SERPINB7: variants seen among roughly 807,000 people sequenced by gnomAD.
SERPINB7 encodes serpin family B member 7.
SERPINB7 carries 31 observed loss-of-function variants against 37.4 expected under a neutral mutation model. The observed-to-expected ratio is 0.83, with a 90% CI of 0.62 to 1.12. The LOEUF is 1.12. Ranked by LOEUF, SERPINB7 falls within the 50% of genes most tolerant of loss-of-function variation. The pLI, the probability that SERPINB7 is intolerant of heterozygous loss-of-function variation, is 0.00. For synonymous variants in SERPINB7, 163 were observed against 166.1 expected (o/e 0.98, Z 0.14); for missense variants, 521 against 455.3 (o/e 1.14, Z -1.31).
chr18:63,774,898 G>A (rs1350570982), upstream of SERPINB7, among the ~76,000 whole-genome samples: 2 of 152,094 alleles, frequency 1.3e-5, no homozygotes, highest in African/African-American at 4.8e-5. Flanking sequence ...AGAGAAGCCA[G>A]CTCAAAAGGT....
intron 1 of SERPINB7, among the ~76,000 whole-genome samples, chr18:63,756,020 A>G (rs2049119821): frequency 6.6e-6 from 1 of 152,078 alleles, no homozygotes; most frequent in Non-Finnish European, 1.5e-5. Flanking sequence ...AACAATGTTC[A>G]TTGATATATA....
intron 1 of SERPINB7, among the ~76,000 whole-genome samples, chr18:63,760,714 C>A (rs1382008236): frequency 1.3e-5 from 2 of 152,164 alleles, no homozygotes; most frequent in Non-Finnish European, 2.9e-5. Context: ...CTGAAAGGGG[C>A]CAATGTACAG....
At chr18:63,767,249 G>A (rs1466820092) in intron 1 of SERPINB7, among the ~76,000 whole-genome samples, 2 of 152,100 alleles carry the variant, frequency 1.3e-5, no homozygotes, top group African/African-American at 4.8e-5. Flanking sequence ...CAGCACCAGA[G>A]GGCTTCTCCT....
chr18:63,770,267 G>A (rs1392947701), intron 1 of SERPINB7, among the ~76,000 whole-genome samples: 1 of 151,162 alleles, frequency 6.6e-6, no homozygotes, highest in African/African-American at 2.4e-5. Flanking sequence ...TGCAGGGTGT[G>A]GTTGGCAATA....
chr18:63,761,808 C>T (rs924956792), intron 1 of SERPINB7, among the ~76,000 whole-genome samples: 1 of 152,132 alleles, frequency 6.6e-6, no homozygotes, highest in Non-Finnish European at 1.5e-5. Context: ...GCCTCCCAAG[C>T]TATGTGGAAC....
At chr18:63,787,712 A>T (rs1056609579) in intron 2 of SERPINB7, among the ~76,000 whole-genome samples, 5 of 152,354 alleles carry the variant, frequency 3.3e-5, no homozygotes, top group South Asian at 2.1e-4. Flanking sequence ...GTTGTTAAAA[A>T]GTTACAGTCT....
intron 2 of SERPINB7, among the ~76,000 whole-genome samples, chr18:63,787,753 G>A (rs1216782922): frequency 6.6e-6 from 1 of 152,070 alleles, no homozygotes; most frequent in East Asian, 1.9e-4. Context: ...TAATGAGAAG[G>A]GGAGATTCCT....
At chr18:63,797,869 A>C (rs1368163197) in intron 5 of SERPINB7, among the ~76,000 whole-genome samples, 1 of 152,164 alleles carries the variant, frequency 6.6e-6, no homozygotes, top group African/African-American at 2.4e-5. Flanking sequence ...CGACAAATAC[A>C]CCTTGCTCTT....
chr18:63,760,214 G>C (rs542150205), intron 1 of SERPINB7, among the ~76,000 whole-genome samples: 2 of 152,204 alleles, frequency 1.3e-5, no homozygotes, highest in Non-Finnish European at 2.9e-5. Context: ...TTGGGAACTG[G>C]AGCAAAGGTG....
chr18:63,802,117 GT>G (rs2049556042), intron 7 of SERPINB7, among the ~76,000 whole-genome samples: 1 of 152,194 alleles, frequency 6.6e-6, no homozygotes, highest in Non-Finnish European at 1.5e-5. Flanking sequence ...AGTCAACTAT[GT>G]CAGATTTCCT....
At chr18:63,778,928 A>ATT (rs2049276020) in intron 1 of SERPINB7, among the ~76,000 whole-genome samples, 1 of 152,208 alleles carries the variant, frequency 6.6e-6, no homozygotes, top group Non-Finnish European at 1.5e-5. Flanking sequence ...TTGTTTGTTA[A>ATT]GCTAAAATAT....
upstream of SERPINB7, among the ~76,000 whole-genome samples, chr18:63,773,457 C>T (rs114209356): frequency 2.3e-4 from 35 of 152,212 alleles, no homozygotes; most frequent in Admixed American, 5.2e-4. Flanking sequence ...ACCATGCCCT[C>T]GCCATTAGTA....
chr18:63,759,448 C>T (rs2049140473), intron 1 of SERPINB7, among the ~76,000 whole-genome samples: 1 of 152,078 alleles, frequency 6.6e-6, no homozygotes, highest in East Asian at 1.9e-4. Flanking sequence ...AGGTTTTTTT[C>T]CTTCCAAAAC....
At chr18:63,799,649 G>C (rs2049525971) in intron 6 of SERPINB7, among the ~76,000 whole-genome samples, 1 of 152,116 alleles carries the variant, frequency 6.6e-6, no homozygotes, top group Non-Finnish European at 1.5e-5. Context: ...CCCTGCCCCA[G>C]TGAGACATCC....
chr18:63,794,465 C>A (rs531693897), intron 4 of SERPINB7, among the ~76,000 whole-genome samples: 6 of 151,776 alleles, frequency 4.0e-5, no homozygotes, highest in South Asian at 2.1e-4. Flanking sequence ...CCGAGGCGGG[C>A]GGATCACAAG....
chr18:63,796,034 C>T (rs2049484321), intron 4 of SERPINB7, among the ~76,000 whole-genome samples: 1 of 152,112 alleles, frequency 6.6e-6, no homozygotes, highest in Admixed American at 6.6e-5. Context: ...TCCTCAAATC[C>T]ATTTCAGATA....
intron 1 of SERPINB7, among the ~76,000 whole-genome samples, chr18:63,758,214 A>G (rs1395966718): frequency 6.6e-6 from 1 of 152,176 alleles, no homozygotes; most frequent in East Asian, 1.9e-4. Flanking sequence ...TTAAAATGTT[A>G]AAAGATATAA....
At position 63,798,588 on chromosome 18, in the gene SERPINB7, A is replaced by ATTT; in HGVS notation, c.455-9_455-7dup. 7 of 1,483,734 alleles carry ATTT rather than the reference A, an allele frequency of 4.7e-6. No homozygotes were observed. Among genetic ancestry groups the ATTT allele is most frequent in the East Asian group, 2.4e-5 (1 of 41,582 alleles). 91.9% of individuals were successfully genotyped at this position (1,483,734 alleles called of 1,614,324 possible). On this transcript the variant is annotated splice_polypyrimidine_tract_variant and intron_variant, in intron 5 of 7. Transcript: ENST00000398019. ...TATTAAAATAAACATTTTTCCCTCA[A>ATTT]TTTTTTTTTCAAAAGGCAAAATCAA...
chr18:63,800,858 A>T lies in SERPINB7; in HGVS notation c.598-8A>T. ...ATCATAAATAATTTTTTGTGACTTGACTTTCAGTGCTCTGGGAAGGCAGTC... is the reference window on the plus strand; with the variant it reads ...ATCATAAATAATTTTTTGTGACTTGTCTTTCAGTGCTCTGGGAAGGCAGTC... On this transcript the variant is annotated splice_region_variant and splice_polypyrimidine_tract_variant and intron_variant, in intron 6 of 7. Transcript: ENST00000398019. 2 of 1,611,520 alleles carry T rather than the reference A, an allele frequency of 1.2e-6. No individual in the cohort carries two copies. The highest frequency in any genetic ancestry group is 1.7e-6 in the Non-Finnish European group (2 of 1,179,264).
Sources: gnomAD v4.1 joint callset for allele counts (sites outside exome capture counted in the v4.1 genomes callset) on GRCh38, gnomAD v4.1.1 for gene constraint, MANE v1.5 for transcripts, NCBI Gene and HGNC (gene_info 2026-07-23, HGNC 2026-07-21) for gene names.